The following FLT3 variants were observed in gnomAD, a reference collection of about 807,000 sequenced individuals.
FLT3 encodes fms related receptor tyrosine kinase 3.
Under a neutral mutation model 126.6 loss-of-function variants are expected in FLT3, and 46 were observed. The observed-to-expected ratio is 0.36, with a 90% CI of 0.29 to 0.46. FLT3 has a LOEUF of 0.46. Ranked by LOEUF, FLT3 falls within the 20% of genes least tolerant of loss-of-function variation. The pLI, the probability that FLT3 is intolerant of heterozygous loss-of-function variation, is 1.00. For synonymous variants in FLT3, 404 were observed against 434.4 expected (o/e 0.93, Z 0.87); for missense variants, 1,069 against 1,190.3 (o/e 0.90, Z 1.50).
intron 9 of FLT3, among the ~76,000 whole-genome samples, chr13:28,039,731 T>C (rs7985425): frequency 0.19 from 28,119 of 151,842 alleles, 2,652 homozygotes; most frequent in Admixed American, 0.24. Flanking sequence ...ATATTTTTCA[T>C]AGAGACAGGG....
At chr13:28,079,945 C>T (rs1247289585) in intron 1 of FLT3, among the ~76,000 whole-genome samples, 1 of 152,126 alleles carries the variant, frequency 6.6e-6, no homozygotes, top group Non-Finnish European at 1.5e-5. Context: ...GAGGGGGATG[C>T]CAGGCTCTTT....
rs181760865 is a variant in FLT3 at position 28,006,935 on chromosome 13, T to G, written c.2860-2761A>C. On this transcript the variant is annotated intron_variant, in intron 23 of 23. Coordinates refer to ENST00000241453, the MANE Select transcript of FLT3 (RefSeq NM_004119.3). The stretch of plus-strand genomic sequence containing the variant: ...TATATTTTTTTAGTAGAGACAGGGT[T>G]TCACCATGTTGACCAGGCTGGTCTT... Among the ~76,000 whole-genome samples, 501 of 152,086 alleles carry G rather than the reference T, an allele frequency of 3.3e-3. 4 individuals carry two copies. Among genetic ancestry groups the G allele is most frequent in the African/African-American group, 0.011 (477 of 41,486 alleles).
chr13:28,037,119 A>T, intron 10 of FLT3, 66 bp downstream of exon 10: 1 of 940,534 alleles, frequency 1.1e-6, no homozygotes, highest in Non-Finnish European at 1.7e-6. Flanking sequence ...AACTTTTCCT[A>T]GTTAAGACTA....
chr13:28,004,913 C>G (rs1290371980), intron 23 of FLT3, among the ~76,000 whole-genome samples: 1 of 152,176 alleles, frequency 6.6e-6, no homozygotes, highest in Non-Finnish European at 1.5e-5. Flanking sequence ...GGGACTGATT[C>G]TTGAGTTTTC....
intron 4 of FLT3, among the ~76,000 whole-genome samples, chr13:28,054,587 C>G (rs1875842219): frequency 6.6e-6 from 1 of 152,014 alleles, no homozygotes; most frequent in Admixed American, 6.6e-5. Context: ...AAGCAAAAAA[C>G]AAACCCAATT....
intron 9 of FLT3, 109 bp downstream of exon 9, chr13:28,048,166 A>T: frequency 1.3e-6 from 1 of 798,608 alleles, no homozygotes; most frequent in Non-Finnish European, 2.1e-6. Context: ...AATAATAGTT[A>T]AACTCATAAG....
At chr13:28,088,028 T>A (rs373190142) in intron 1 of FLT3, among the ~76,000 whole-genome samples, 10 of 152,348 alleles carry the variant, frequency 6.6e-5, no homozygotes, top group African/African-American at 2.4e-4. Context: ...GTTAAATATT[T>A]CTTGTTCCTT....
chr13:28,015,745 A>G, intron 20 of FLT3, 44 bp from the exon 21 acceptor site: 1 of 1,110,948 alleles, frequency 9.0e-7, no homozygotes, highest in Non-Finnish European at 1.4e-6. Flanking sequence ...TTTTCCACAT[A>G]CAGACATGAC....
chr13:28,057,196 A>G, intron 4 of FLT3, 151 bp downstream of exon 4: 3 of 614,624 alleles, frequency 4.9e-6, no homozygotes, highest in Non-Finnish European at 8.7e-6. Flanking sequence ...TAGGTTCTAC[A>G]GAGGGTTGAC....
chr13:28,057,964 A>G (rs893673670), intron 3 of FLT3, among the ~76,000 whole-genome samples: 1 of 151,548 alleles, frequency 6.6e-6, no homozygotes, highest in African/African-American at 2.4e-5. Context: ...GCTTGAACCC[A>G]GGAGGTAAAG....
intron 23 of FLT3, among the ~76,000 whole-genome samples, chr13:28,012,752 TAGTG>T (rs1360092671): frequency 6.6e-6 from 1 of 151,764 alleles, no homozygotes; most frequent in East Asian, 1.9e-4. Context: ...CTGGGCAACA[TAGTG>T]AGAGCCCGTG....
intron 5 of FLT3, among the ~76,000 whole-genome samples, chr13:28,051,244 T>C (rs911421104): frequency 1.4e-5 from 2 of 144,138 alleles, no homozygotes; most frequent in Non-Finnish European, 3.1e-5. Context: ...TTCCTTTCTT[T>C]TCTTTTTTTT....
chr13:28,028,449 C>A (rs1351029046), intron 15 of FLT3, among the ~76,000 whole-genome samples, 161 bp from the exon 16 acceptor site: 2 of 152,154 alleles, frequency 1.3e-5, no homozygotes, highest in African/African-American at 4.8e-5. Context: ...GTAATCCCAG[C>A]ACTTTGGGAG....
intron 1 of FLT3, among the ~76,000 whole-genome samples, chr13:28,091,209 T>A (rs940645131): frequency 2.9e-5 from 2 of 68,832 alleles, no homozygotes; most frequent in South Asian, 1.2e-3. Flanking sequence ...CCCATTTTCT[T>A]TTTTTTTTTT....
rs73443056 is a variant in FLT3 at position 28,082,621 on chromosome 13, C to T, written c.44-12009G>A. ...AGGGATCCTCCAACCTTGGAAGGGACGCTTCCAAGTAGCTGGGACTACAGT... is the reference window on the plus strand; with the variant it reads ...AGGGATCCTCCAACCTTGGAAGGGATGCTTCCAAGTAGCTGGGACTACAGT... On this transcript the variant is annotated intron_variant, in intron 1 of 23. Transcript: ENST00000241453. Among the ~76,000 whole-genome samples, 1,348 of 151,924 alleles carry T rather than the reference C, an allele frequency of 8.9e-3. 22 individuals are homozygous for T. Among genetic ancestry groups the T allele is most frequent in the African/African-American group, 0.031 (1,267 of 41,410 alleles).
intron 23 of FLT3, among the ~76,000 whole-genome samples, chr13:28,008,275 CAAAAAAAAA>C (rs11409962): frequency 2.3e-5 from 2 of 87,100 alleles, no homozygotes; most frequent in Admixed American, 1.5e-4. Flanking sequence ...GAACCTGTCT[CAAAAAAAAA>C]AAAAAAAAAA....
chr13:28,048,349 T>C lies in FLT3; in HGVS notation c.1131A>G (p.Pro377=). The C allele has an allele frequency of 6.2e-7, 1 of 1,613,864 alleles. No homozygotes were observed. The highest frequency in any genetic ancestry group is 8.5e-7 in the Non-Finnish European group (1 of 1,179,752). ...FCFSVRFKAY[P]QIRCTWTFSR... The stretch of plus-strand genomic sequence containing the variant: ...AGAAGGTCCACGTACATCTGATTTG[T>C]GGGTAGGCTTTAAACCTGACAGAAA... Residue 377 remains proline, a synonymous_variant, in exon 9 of 24, where the codon CCA becomes CCG. Coordinates refer to ENST00000241453, the MANE Select transcript of FLT3 (RefSeq NM_004119.3).
intron 1 of FLT3, chr13:28,073,525 AT>A (rs1877711363): frequency 1.0e-5 from 2 of 198,936 alleles, no homozygotes; most frequent in Non-Finnish European, 2.2e-5. Context: ...CTTTAAAAAA[AT>A]AGTAATTTAA....
chr13:28,085,683 T>A lies in FLT3; in HGVS notation c.43+14785A>T, dbSNP rs1435489624. On this transcript the variant is annotated intron_variant, in intron 1 of 23. Coordinates refer to ENST00000241453, the MANE Select transcript of FLT3 (RefSeq NM_004119.3). ...AAGCCTTATAACATTATGAAATGGC[T>A]CTCTTTGTTTCTAGCAATATTCTTT... Among the ~76,000 whole-genome samples the A allele has an allele frequency of 2.1e-5, 3 of 143,042 alleles. No homozygotes were observed. In the East Asian group the frequency reaches 5.8e-4, roughly 27 times the overall value. 93.8% of individuals were successfully genotyped at this position (143,042 alleles called of 152,430 possible). A position where few individuals can be genotyped will look rare whatever the true frequency, so the allele number is the denominator to read the frequency against.
Sources: gnomAD v4.1 joint callset for allele counts (sites outside exome capture counted in the v4.1 genomes callset) on GRCh38, gnomAD v4.1.1 for gene constraint, MANE v1.5 for transcripts, NCBI Gene and HGNC (gene_info 2026-07-23, HGNC 2026-07-21) for gene names.